Variants in CLIC5 observed in about 807,000 individuals in gnomAD.
The protein encoded by CLIC5 is CLIC family member 5.
CLIC5 carries 20 observed loss-of-function variants against 24.7 expected under a neutral mutation model. That is an observed-to-expected ratio of 0.81 (90% CI 0.57 to 1.18). The LOEUF (loss-of-function observed/expected upper bound fraction) is 1.18. CLIC5 is among the 50% of genes most tolerant of loss of function. The probability of loss-of-function intolerance (pLI) is 0.00; values close to 1 mark genes in which losing one functional copy is unlikely to be tolerated. For missense variants in CLIC5, 341 were observed against 326.1 expected, an observed-to-expected ratio of 1.05 and a Z score of -0.35; for synonymous variants, 159 against 135.6, an observed-to-expected ratio of 1.17 and a Z score of -1.20.
intron 1 of CLIC5, among the ~76,000 whole-genome samples, chr6:46,008,396 G>C (rs536306522): frequency 6.6e-6 from 1 of 152,116 alleles, no homozygotes; most frequent in African/African-American, 2.4e-5. Context: ...ACCCAAAGCT[G>C]GGCCTGAAGA....
chr6:45,949,981 T>C (rs1764414883), intron 2 of CLIC5, among the ~76,000 whole-genome samples: 1 of 152,234 alleles, frequency 6.6e-6, no homozygotes, highest in Admixed American at 6.5e-5. Flanking sequence ...CAGCCCCTGA[T>C]ATGGTCTTTG....
intron 1 of CLIC5, among the ~76,000 whole-genome samples, chr6:45,961,421 G>T (rs1410369709): frequency 6.6e-6 from 1 of 152,200 alleles, no homozygotes; most frequent in Non-Finnish European, 1.5e-5. Flanking sequence ...GGTTCCCATA[G>T]CAGAATCAGG....
chr6:46,019,563 G>T (rs1352194350), upstream of CLIC5, among the ~76,000 whole-genome samples: 1 of 150,606 alleles, frequency 6.6e-6, no homozygotes, highest in African/African-American at 2.4e-5. Flanking sequence ...GCGGGCGCCT[G>T]TAGTCCCAGC....
At chr6:45,978,371 G>A (rs548949127) in intron 1 of CLIC5, among the ~76,000 whole-genome samples, 1 of 152,100 alleles carries the variant, frequency 6.6e-6, no homozygotes, top group South Asian at 2.1e-4. Flanking sequence ...TCCTGAGCAG[G>A]AATCGTAAGC....
At chr6:45,991,843 C>T (rs79850645) in intron 1 of CLIC5, among the ~76,000 whole-genome samples, 3,427 of 152,192 alleles carry the variant, frequency 0.023, 52 homozygotes, top group Non-Finnish European at 0.036. Flanking sequence ...TACTTGACAG[C>T]CTTGTCAAAC....
intron 1 of CLIC5, among the ~76,000 whole-genome samples, chr6:46,001,038 A>G (rs913213634): frequency 6.6e-6 from 1 of 152,038 alleles, no homozygotes; most frequent in African/African-American, 2.4e-5. Flanking sequence ...TTTTTCTCCC[A>G]CTCTGGAATG....
At chr6:45,944,283 T>C (rs1328661756) in intron 3 of CLIC5, among the ~76,000 whole-genome samples, 1 of 152,148 alleles carries the variant, frequency 6.6e-6, no homozygotes, top group African/African-American at 2.4e-5. Context: ...ATTTCAGTGT[T>C]CATAAGTAAA....
Position 45,903,001 on chromosome 6 carries a change from G to A in CLIC5, c.*87C>T. The A allele has an allele frequency of 7.0e-7, 1 of 1,430,266 alleles. No individual in the cohort carries two copies. The highest frequency in any genetic ancestry group is 1.8e-5 in the Admixed American group (1 of 54,440). 88.6% of individuals were successfully genotyped at this position (1,430,266 alleles called of 1,614,324 possible). The stretch of plus-strand genomic sequence containing the variant: ...TTGATTATAAAAAGTGCGCCTCAAG[G>A]CAGTGATACAGAGGAGTCTATGAAG... On this transcript the variant is annotated 3_prime_UTR_variant, in exon 6 of 6. Coordinates refer to ENST00000339561, the MANE Select transcript of CLIC5 (RefSeq NM_016929.5).
At chr6:45,939,753 G>T (rs980319210) in intron 4 of CLIC5, among the ~76,000 whole-genome samples, 1 of 151,734 alleles carries the variant, frequency 6.6e-6, no homozygotes, top group South Asian at 2.1e-4. Flanking sequence ...CAATCCTCTT[G>T]TCATGGCTTC....
At chr6:45,943,538 G>A (rs1372981672) in intron 3 of CLIC5, among the ~76,000 whole-genome samples, 2 of 152,200 alleles carry the variant, frequency 1.3e-5, no homozygotes, top group East Asian at 3.8e-4. Flanking sequence ...CATGCTATTA[G>A]AATCGATAGA....
the CLIC5 span, among the ~76,000 whole-genome samples, chr6:46,125,625 A>G: frequency 2.0e-5 from 3 of 151,974 alleles, no homozygotes. Flanking sequence ...GTTTAAGCAA[A>G]AAGATAATTT....
chr6:46,023,762 G>A (rs1295195321), intron 1 of CLIC5, among the ~76,000 whole-genome samples: 4 of 152,134 alleles, frequency 2.6e-5, no homozygotes, highest in African/African-American at 9.7e-5. Flanking sequence ...CTGCTCTGGT[G>A]ATTGTCCTCA....
intron 1 of CLIC5, among the ~76,000 whole-genome samples, chr6:45,966,650 T>A (rs1255386774): frequency 6.6e-6 from 1 of 152,088 alleles, no homozygotes; most frequent in African/African-American, 2.4e-5. Flanking sequence ...TTCTCCCTCC[T>A]CTTTTTGTTT....
At chr6:45,958,470 ATATAT>A (rs1764739153) in intron 1 of CLIC5, among the ~76,000 whole-genome samples, 1 of 138,312 alleles carries the variant, frequency 7.2e-6, no homozygotes, top group African/African-American at 2.7e-5. Flanking sequence ...ATATATATAT[ATATAT>A]AAACAGCTAA....
At chr6:45,893,321 GAAGA>G (rs1762368867) in intron 6 of CLIC5, among the ~76,000 whole-genome samples, 1 of 151,696 alleles carries the variant, frequency 6.6e-6, no homozygotes, top group African/African-American at 2.4e-5. Flanking sequence ...GTGGGTGCAA[GAAGA>G]AAGACTGAAG....
chr6:45,953,494 G>T (rs991506489), intron 2 of CLIC5, among the ~76,000 whole-genome samples: 6 of 152,102 alleles, frequency 3.9e-5, no homozygotes, highest in Admixed American at 3.3e-4. Context: ...TTAGACAGAG[G>T]ATGCAGTTCT....
At chr6:45,910,174 C>A (rs1254392951) in intron 5 of CLIC5, among the ~76,000 whole-genome samples, 1 of 152,004 alleles carries the variant, frequency 6.6e-6, no homozygotes, top group Non-Finnish European at 1.5e-5. Context: ...GGATAGCAAT[C>A]ACAGGTTCTT....
chr6:46,002,392 C>G (rs1455096173), intron 1 of CLIC5, among the ~76,000 whole-genome samples: 1 of 152,186 alleles, frequency 6.6e-6, no homozygotes. Context: ...AGAGCTTACT[C>G]TAGAATCCTG....
chr6:45,973,196 C>T (rs917158232), intron 1 of CLIC5, among the ~76,000 whole-genome samples: 10 of 152,188 alleles, frequency 6.6e-5, no homozygotes, highest in African/African-American at 2.4e-4. Context: ...GCCTCTTTGC[C>T]TGTGGGACCA....
Sources: gnomAD v4.1 joint callset for allele counts (sites outside exome capture counted in the v4.1 genomes callset) on GRCh38, gnomAD v4.1.1 for gene constraint, MANE v1.5 for transcripts, NCBI Gene and HGNC (gene_info 2026-07-23, HGNC 2026-07-21) for gene names.